The following GRIK5 variants were observed in gnomAD, a reference collection of about 807,000 sequenced individuals.
GRIK5 encodes glutamate receptor ionotropic, kainate 5.
Under a neutral mutation model 97.4 loss-of-function variants are expected in GRIK5, and 43 were observed. The observed-to-expected ratio is 0.44, with a 90% CI of 0.35 to 0.57. GRIK5 has a LOEUF of 0.57. Ranked by LOEUF, GRIK5 falls within the 20% of genes least tolerant of loss-of-function variation. The pLI is 0.01. For missense variants in GRIK5, 1,015 were observed against 1,382.0 expected, an observed-to-expected ratio of 0.73 and a Z score of 4.21; for synonymous variants, 580 against 583.5, an observed-to-expected ratio of 0.99 and a Z score of 0.09.
At chr19:42,005,004 A>G (rs1427369912) in intron 17 of GRIK5, among the ~76,000 whole-genome samples, 1 of 152,134 alleles carries the variant, frequency 6.6e-6, no homozygotes. Context: ...CGACTCACCT[A>G]CAAAGCTGCT....
rs1431729742 is a variant in GRIK5 at position 42,053,865 on chromosome 19, G to C, written c.1121C>G (p.Thr374Ser). 1 of 1,614,070 alleles carries C rather than the reference G, an allele frequency of 6.2e-7. No homozygotes were observed. The highest frequency in any genetic ancestry group is 1.7e-5 in the Admixed American group (1 of 60,028). The change falls in exon 10 of 20, where the codon ACC (threonine) becomes AGC (serine). Residue 374 changes from threonine to serine, a missense_variant. Coordinates refer to ENST00000593562, the MANE Select transcript of GRIK5 (RefSeq NM_002088.5). ...CCGGGACTTTTCTAGGATGCGCAGG[G>C]TGTAGTTGGTTCTCTGCCCTTTGCT... ...FNSKGQRTNY[T>S]LRILEKSRQG...
In GRIK5 at chr19:42,070,013, C is replaced by A. The variant is rs2076401753; in HGVS notation, c.-823G>T. Among the ~76,000 whole-genome samples the A allele has an allele frequency of 6.6e-6, 1 of 151,670 alleles. No homozygotes were observed. Among genetic ancestry groups the A allele is most frequent in the African/African-American group, 2.4e-5 (1 of 41,246 alleles). ...AGGAGGGTGGGGTGTCCCAGGGGCT[C>A]CCGGTGCTGGGCCTCAGTGGGAGGG... On this transcript the variant is annotated 5_prime_UTR_variant, in exon 1 of 20. Transcript: ENST00000593562.
intron 15 of GRIK5, among the ~76,000 whole-genome samples, chr19:42,011,950 C>A (rs186451213): frequency 1.3e-5 from 2 of 152,174 alleles, no homozygotes; most frequent in Admixed American, 1.3e-4. Flanking sequence ...GAGTGAGACC[C>A]TGTCTCAAAA....
intron 15 of GRIK5, among the ~76,000 whole-genome samples, chr19:42,018,323 CAA>C (rs1012859381): frequency 1.6e-5 from 2 of 122,052 alleles, no homozygotes; most frequent in Admixed American, 8.4e-5. Flanking sequence ...GACTCTGTCT[CAA>C]AAAAAAAAAG....
intron 19 of GRIK5, among the ~76,000 whole-genome samples, chr19:42,000,133 G>A (rs530892711): frequency 5.3e-5 from 8 of 152,336 alleles, no homozygotes; most frequent in Admixed American, 1.3e-4. Flanking sequence ...CTCTGGTAAG[G>A]CCCATAAACC....
At chr19:42,048,059 G>T (rs1233017719) in intron 11 of GRIK5, among the ~76,000 whole-genome samples, 1 of 151,104 alleles carries the variant, frequency 6.6e-6, no homozygotes, top group Admixed American at 6.6e-5. Flanking sequence ...GAGGATGGCA[G>T]ACCCAAATGT....
chr19:42,030,583 C>T (rs549113350), intron 12 of GRIK5, among the ~76,000 whole-genome samples: 5 of 151,968 alleles, frequency 3.3e-5, no homozygotes, highest in African/African-American at 4.8e-5. Context: ...CTCAGCCTTC[C>T]GAGTAACTGT....
In GRIK5 at chr19:42,069,937, T is replaced by G. The variant is rs1008054767; in HGVS notation, c.-747A>C. Among the ~76,000 whole-genome samples the G allele has an allele frequency of 6.7e-6, 1 of 148,956 alleles. No individual in the cohort carries two copies. Among genetic ancestry groups the G allele is most frequent in the Non-Finnish European group, 1.5e-5 (1 of 66,932 alleles). On this transcript the variant is annotated 5_prime_UTR_variant, in exon 1 of 20. Transcript: ENST00000593562. ...GAAGGGGGCAAATGAGGTGGAGAGA[T>G]AGGGAGGAGGGAGAGGAGGATGGAG... is the stretch of plus-strand genomic sequence containing the variant.
rs1044629171 is a variant in GRIK5, at chr19:42,021,726, G to A, written c.1697+221C>T. Among the ~76,000 whole-genome samples, 1 of 152,098 alleles carries A rather than the reference G, an allele frequency of 6.6e-6. No individual in the cohort carries two copies. The highest frequency in any genetic ancestry group is 2.4e-5 in the African/African-American group (1 of 41,426). Reference sequence around the variant, plus strand: ...AGGCAAAAAAGGGAGAGGCGGGAAGGGGAGAGACCTGAACAGAGAACCACA... The same window carrying A: ...AGGCAAAAAAGGGAGAGGCGGGAAGAGGAGAGACCTGAACAGAGAACCACA... On this transcript the variant is annotated intron_variant, in intron 14 of 19. Transcript: ENST00000593562. This position sits in a 1 kb window ranked among gnomAD's most constrained non-coding sequence, Gnocchi z 4.2.
At position 42,002,503 on chromosome 19, in the gene GRIK5, C is replaced by A; in HGVS notation, c.2514+829G>T. 1 of 714,460 alleles carries A rather than the reference C, an allele frequency of 1.4e-6. No individual in the cohort carries two copies. Among genetic ancestry groups the A allele is most frequent in the Non-Finnish European group, 2.6e-6 (1 of 383,234 alleles). 44.3% of individuals were successfully genotyped at this position (714,460 alleles called of 1,614,324 possible). On this transcript the variant is annotated intron_variant, in intron 19 of 19. Transcript: ENST00000593562. The surrounding 1 kb of genome is among the most constrained non-coding windows in gnomAD (Gnocchi z 5.2). The stretch of plus-strand genomic sequence containing the variant: ...CGGCTCCTTCAGAGGAGTCCTTGGG[C>A]CAAGTGCAGAACACTGGCAGGCAGC...
In GRIK5 at chr19:42,065,399, C is replaced by A; in HGVS notation, c.80-12G>T. 1 of 1,571,168 alleles carries A rather than the reference C, an allele frequency of 6.4e-7. No homozygotes were observed. Among genetic ancestry groups the A allele is most frequent in the Non-Finnish European group, 8.6e-7 (1 of 1,156,526 alleles). On this transcript the variant is annotated splice_polypyrimidine_tract_variant and intron_variant, in intron 2 of 19. Coordinates refer to ENST00000593562, the MANE Select transcript of GRIK5 (RefSeq NM_002088.5). The surrounding 1 kb of genome is among the most constrained non-coding windows in gnomAD (Gnocchi z 5.8). Reference sequence around the variant, plus strand: ...ATCCAGGATTGCAGCTGAGGGGACACATGGGTTGGGGACCAGACTCCTGAG... The same window carrying A: ...ATCCAGGATTGCAGCTGAGGGGACAAATGGGTTGGGGACCAGACTCCTGAG...
rs2076402332 is a variant in GRIK5 at position 42,070,059 on chromosome 19, C to G, written c.-869G>C. ...GAGGGCCTGGCGACACACTCCTGGT[C>G]CCCTGTGAGGAGCCGGCTCCAGTCC... is the stretch of plus-strand genomic sequence containing the variant. On this transcript the variant is annotated 5_prime_UTR_variant, in exon 1 of 20. Transcript: ENST00000593562. 6.6e-6 allele frequency among the ~76,000 whole-genome samples: 1 copy of G among 152,074 alleles called. No homozygotes were observed. The highest frequency in any genetic ancestry group is 1.5e-5 in the Non-Finnish European group (1 of 67,990).
At position 41,999,228 on chromosome 19, in the gene GRIK5, G is replaced by T; in HGVS notation, c.2586C>A (p.Arg862=). 1 of 1,521,902 alleles carries T rather than the reference G, an allele frequency of 6.6e-7. No individual in the cohort carries two copies. Among genetic ancestry groups the T allele is most frequent in the Middle Eastern group, 1.8e-4 (1 of 5,630 alleles). The allele number at this position is 1,521,902 out of a possible 1,614,324, so 94.3% of individuals were successfully genotyped here. A position where few individuals can be genotyped will look rare whatever the true frequency, so the allele number is the denominator to read the frequency against. ...TCGGGCCGCCCGGGCGTCGGCGCCGGCGGGAACGCGACGTCTTGCGGCAAG... is the reference window on the plus strand; with the variant it reads ...TCGGGCCGCCCGGGCGTCGGCGCCGTCGGGAACGCGACGTCTTGCGGCAAG... The part of the protein sequence containing the change: ...AVSCRKTSRS[R]RRRRPGGPSR... The change falls in exon 20 of 20, where the codon CGC becomes CGA. Residue 862 remains arginine, a synonymous_variant. Coordinates refer to ENST00000593562, the MANE Select transcript of GRIK5 (RefSeq NM_002088.5). This position sits in a 1 kb window ranked among gnomAD's most constrained non-coding sequence, Gnocchi z 5.0.
chr19:42,010,371 T>C (rs1431601825), intron 15 of GRIK5, among the ~76,000 whole-genome samples: 1 of 152,054 alleles, frequency 6.6e-6, no homozygotes. Context: ...CCAAGACACA[T>C]TATAATCAAT....
Position 42,002,221 on chromosome 19 carries a change from G to A in GRIK5, c.2514+1111C>T, listed in dbSNP as rs1296736569. ...GGAAATGGGAGGAAAGAAGAAACTG[G>A]AAGCATCAGGGAGACCCCCCACTGC... On this transcript the variant is annotated intron_variant, in intron 19 of 19. Coordinates refer to ENST00000593562, the MANE Select transcript of GRIK5 (RefSeq NM_002088.5). This position sits in a 1 kb window ranked among gnomAD's most constrained non-coding sequence, Gnocchi z 5.2. 1.4e-6 allele frequency: 1 copy of A among 717,490 alleles called. No homozygotes were observed. Among genetic ancestry groups the A allele is most frequent in the Non-Finnish European group, 2.6e-6 (1 of 385,136 alleles). 44.4% of individuals were successfully genotyped at this position (717,490 alleles called of 1,614,324 possible).
chr19:42,028,777 T>C (rs890174965), intron 12 of GRIK5, among the ~76,000 whole-genome samples: 2 of 152,250 alleles, frequency 1.3e-5, no homozygotes, highest in Non-Finnish European at 2.9e-5. Flanking sequence ...CTATGGCCCT[T>C]GGGCCAAGTC....
chr19:42,055,105 A>G (rs1368516272), intron 8 of GRIK5, among the ~76,000 whole-genome samples: 1 of 152,254 alleles, frequency 6.6e-6, no homozygotes, highest in Non-Finnish European at 1.5e-5. Flanking sequence ...CTCCGGTGAC[A>G]TAACGCCTGT....
In GRIK5 at chr19:42,006,056, A is replaced by C; in HGVS notation, c.2038-108T>G. 1.5e-6 allele frequency: 1 copy of C among 672,110 alleles called. No individual in the cohort carries two copies. The highest frequency in any genetic ancestry group is 2.7e-5 in the East Asian group (1 of 36,800). The allele number at this position is 672,110 out of a possible 1,614,324, so 41.6% of individuals were successfully genotyped here. ...GTCTCCCTCAACCCAGGAGAATGCA[A>C]GGTGATCAAAGGAAGACAGAGCCAA... On this transcript the variant is annotated intron_variant, in intron 16 of 19. Transcript: ENST00000593562. The surrounding 1 kb of genome is among the most constrained non-coding windows in gnomAD (Gnocchi z 5.3).
intron 15 of GRIK5, among the ~76,000 whole-genome samples, chr19:42,016,345 C>T (rs1416526493): frequency 2.0e-5 from 3 of 152,176 alleles, no homozygotes; most frequent in Non-Finnish European, 2.9e-5. Flanking sequence ...CGCTTGAACC[C>T]GGAAGGTGGA....
Sources: allele counts gnomAD v4.1 joint callset (sites outside exome capture counted in the v4.1 genomes callset), GRCh38; gene constraint gnomAD v4.1.1; non-coding constraint Gnocchi (gnomAD v3.1); transcripts MANE v1.5; gene names NCBI Gene and HGNC (gene_info 2026-07-23, HGNC 2026-07-21).